The following MAGI2 variants were observed in gnomAD, a reference collection of about 807,000 sequenced individuals.
MAGI2 encodes the protein membrane associated guanylate kinase, WW and PDZ domain containing 2, also known as membrane-associated guanylate kinase, WW and PDZ domain-containing protein 2.
A neutral mutation model predicts 133.3 loss-of-function variants in MAGI2; 35 were observed. The observed-to-expected ratio is 0.26, with a 90% confidence interval of 0.20 to 0.35. The LOEUF is 0.35. MAGI2 is among the 10% of genes least tolerant of loss of function. MAGI2 has a pLI of 1.00. For missense variants in MAGI2, 1,636 were observed against 1,863.4 expected, an observed-to-expected ratio of 0.88 and a Z score of 2.25; for synonymous variants, 729 against 710.6, an observed-to-expected ratio of 1.03 and a Z score of -0.41.
At chr7:78,710,487 C>G (rs1298153923) in intron 2 of MAGI2, among the ~76,000 whole-genome samples, 1 of 152,092 alleles carries the variant, frequency 6.6e-6, no homozygotes, top group Non-Finnish European at 1.5e-5. Context: ...TACAACATAA[C>G]AAGGAGGAAG....
Position 78,406,135 on chromosome 7 carries a change from C to T in MAGI2, c.1046-36922G>A, listed in dbSNP as rs137909930. Reference sequence around the variant, plus strand: ...TAGAGATTCCAATGTATTAAAAAGACAGTAAATTATAGATATATTAATGAA... The same window carrying T: ...TAGAGATTCCAATGTATTAAAAAGATAGTAAATTATAGATATATTAATGAA... On this transcript the variant is annotated intron_variant, in intron 6 of 21. Coordinates refer to ENST00000354212, the MANE Select transcript of MAGI2 (RefSeq NM_012301.4). 7.6e-3 allele frequency among the ~76,000 whole-genome samples: 1,161 copies of T among 151,942 alleles called. 14 individuals are homozygous for T. Among genetic ancestry groups the T allele is most frequent in the African/African-American group, 0.026 (1,083 of 41,486 alleles).
intron 11 of MAGI2, among the ~76,000 whole-genome samples, chr7:78,198,690 C>CAGGGAGT (rs1293093558): frequency 6.6e-6 from 1 of 152,124 alleles, no homozygotes; most frequent in Non-Finnish European, 1.5e-5. Context: ...AGGGTGCATA[C>CAGGGAGT]AGGGAGTAGA....
intron 3 of MAGI2, among the ~76,000 whole-genome samples, chr7:78,542,176 A>G (rs980536085): frequency 2.0e-5 from 3 of 152,230 alleles, no homozygotes; most frequent in Non-Finnish European, 4.4e-5. Flanking sequence ...TACTCTTTAA[A>G]AATGTAAAAG....
intron 10 of MAGI2, among the ~76,000 whole-genome samples, chr7:78,221,257 G>T (rs922000700): frequency 6.6e-6 from 1 of 152,140 alleles, no homozygotes; most frequent in Non-Finnish European, 1.5e-5. Context: ...TTCTCATCAG[G>T]ATGACTGCTC....
chr7:78,725,431 T>C (rs571259768), intron 2 of MAGI2, among the ~76,000 whole-genome samples: 1 of 152,228 alleles, frequency 6.6e-6, no homozygotes, highest in Non-Finnish European at 1.5e-5. Context: ...ATCACAGCAC[T>C]GAAAACACGC....
chr7:78,906,921 G>C (rs570778895), intron 2 of MAGI2, among the ~76,000 whole-genome samples: 1 of 151,354 alleles, frequency 6.6e-6, no homozygotes, highest in East Asian at 2.0e-4. Context: ...CATGTGGAAG[G>C]GGGAGGAAAA....
intron 2 of MAGI2, among the ~76,000 whole-genome samples, chr7:78,683,786 T>A (rs1815958491): frequency 6.6e-6 from 1 of 152,188 alleles, no homozygotes; most frequent in South Asian, 2.1e-4. Flanking sequence ...CTGCAAACAG[T>A]GTCTTTGTTG....
intron 3 of MAGI2, among the ~76,000 whole-genome samples, chr7:78,573,243 T>TAA (rs1285232450): frequency 0.094 from 5,192 of 55,290 alleles, 340 homozygotes; most frequent in African/African-American, 0.11. Flanking sequence ...AATATATATA[T>TAA]ATAAATATAT....
chr7:78,775,320 TAAAAAAAAAAAA>T (rs3086258), intron 2 of MAGI2, among the ~76,000 whole-genome samples: 26 of 57,378 alleles, frequency 4.5e-4, no homozygotes, highest in Admixed American at 8.1e-4. Flanking sequence ...CGTCTCAAAT[TAAAAAAAAAAAA>T]AAAAAAAAAA....
chr7:79,367,369 TTTTTA>T (rs1171951641), intron 1 of MAGI2, among the ~76,000 whole-genome samples: 2 of 151,400 alleles, frequency 1.3e-5, no homozygotes, highest in Non-Finnish European at 3.0e-5. Context: ...TGTTGCTTAT[TTTTTA>T]TTTTAATAGT....
chr7:78,392,308 CA>C (rs1406792487), intron 6 of MAGI2, among the ~76,000 whole-genome samples: 4 of 151,750 alleles, frequency 2.6e-5, no homozygotes, highest in Non-Finnish European at 4.4e-5. Flanking sequence ...ATGAAGAAGG[CA>C]AAAAATAGAA....
chr7:79,038,689 T>C (rs1044108041), intron 1 of MAGI2, among the ~76,000 whole-genome samples: 1 of 152,342 alleles, frequency 6.6e-6, no homozygotes, highest in Non-Finnish European at 1.5e-5. Context: ...TGTCACTGTG[T>C]ATGGAATATA....
intron 2 of MAGI2, among the ~76,000 whole-genome samples, chr7:78,833,943 C>A (rs1026526358): frequency 1.3e-5 from 2 of 152,132 alleles, no homozygotes; most frequent in Non-Finnish European, 2.9e-5. Flanking sequence ...TTTTTCTATA[C>A]TCCATAGCCA....
At chr7:79,279,747 T>C (rs1835490113) in intron 1 of MAGI2, among the ~76,000 whole-genome samples, 1 of 152,176 alleles carries the variant, frequency 6.6e-6, no homozygotes, top group Admixed American at 6.5e-5. Flanking sequence ...AATAGTCCTT[T>C]CAAGCCAAAA....
chr7:79,288,846 G>A (rs1370164273), intron 1 of MAGI2, among the ~76,000 whole-genome samples: 5 of 152,150 alleles, frequency 3.3e-5, no homozygotes, highest in African/African-American at 1.2e-4. Flanking sequence ...TTTCAGCCAG[G>A]CATAAAATAG....
intron 2 of MAGI2, among the ~76,000 whole-genome samples, chr7:78,848,761 A>T (rs1028835184): frequency 5.3e-5 from 8 of 152,032 alleles, no homozygotes; most frequent in African/African-American, 1.9e-4. Flanking sequence ...TTTTGACACT[A>T]AGGTCTCTGC....
At chr7:78,640,814 G>A (rs538367176) in intron 2 of MAGI2, among the ~76,000 whole-genome samples, 2 of 152,314 alleles carry the variant, frequency 1.3e-5, no homozygotes, top group East Asian at 1.9e-4. Context: ...GCTGAGGCTG[G>A]CCAAACTAGG....
intron 3 of MAGI2, among the ~76,000 whole-genome samples, chr7:78,547,411 G>A (rs1436255673): frequency 6.6e-6 from 1 of 152,244 alleles, no homozygotes; most frequent in Non-Finnish European, 1.5e-5. Flanking sequence ...CAGGTTCGCT[G>A]AGTGCTTTCG....
intron 2 of MAGI2, among the ~76,000 whole-genome samples, chr7:78,633,775 A>G (rs919586977): frequency 1.1e-4 from 17 of 151,194 alleles, no homozygotes; most frequent in Non-Finnish European, 2.4e-4. Context: ...AAAGGTTCTT[A>G]GATTAAAAAT....
Sources: gnomAD v4.1 joint callset for allele counts (sites outside exome capture counted in the v4.1 genomes callset) on GRCh38, gnomAD v4.1.1 for gene constraint, MANE v1.5 for transcripts, NCBI Gene and HGNC (gene_info 2026-07-23, HGNC 2026-07-21) for gene names.